TOX: variants seen among roughly 807,000 people sequenced by gnomAD.
The protein encoded by TOX is thymocyte selection-associated high mobility group box protein TOX.
A neutral mutation model predicts 53.7 loss-of-function variants in TOX; 11 were observed. The observed-to-expected ratio is 0.20, with a 90% confidence interval of 0.13 to 0.34. The LOEUF (loss-of-function observed/expected upper bound fraction) is 0.34, where lower values mean the gene tolerates loss of function less well. TOX is among the 10% of genes least tolerant of loss of function. The pLI is 1.00. For missense variants in TOX, 570 were observed against 664.6 expected, an observed-to-expected ratio of 0.86 and a Z score of 1.56; for synonymous variants, 225 against 245.3, an observed-to-expected ratio of 0.92 and a Z score of 0.77.
At chr8:58,989,461 A>G (rs1167342075) in intron 1 of TOX, among the ~76,000 whole-genome samples, 1 of 152,206 alleles carries the variant, frequency 6.6e-6, no homozygotes, top group East Asian at 1.9e-4. Context: ...AGAAGGGTGC[A>G]TTCCTCTGTC....
chr8:58,839,285 T>C (rs1158275842), intron 4 of TOX, among the ~76,000 whole-genome samples: 1 of 152,236 alleles, frequency 6.6e-6, no homozygotes. Flanking sequence ...AATCAGGAGC[T>C]AAATTTTTAA....
chr8:59,035,505 C>CT (rs1264812683), intron 1 of TOX, among the ~76,000 whole-genome samples: 2 of 152,186 alleles, frequency 1.3e-5, no homozygotes, highest in Admixed American at 1.3e-4. Flanking sequence ...TCCAAAGTAA[C>CT]TGGGGACTAC....
chr8:58,941,597 A>T (rs1455772322), intron 2 of TOX, among the ~76,000 whole-genome samples: 1 of 152,228 alleles, frequency 6.6e-6, no homozygotes, highest in South Asian at 2.1e-4. Flanking sequence ...TCATAATTTA[A>T]GTAATAGTAT....
intron 1 of TOX, among the ~76,000 whole-genome samples, chr8:59,097,161 C>T (rs1232752151): frequency 6.6e-6 from 1 of 152,130 alleles, no homozygotes; most frequent in Non-Finnish European, 1.5e-5. Flanking sequence ...ACACCATCCC[C>T]GGGAAGGTTC....
At position 59,029,176 on chromosome 8, in the gene TOX, C is replaced by T. The variant is rs114738731; in HGVS notation, c.103-69168G>A. Among the ~76,000 whole-genome samples, 953 of 152,096 alleles carry T rather than the reference C, an allele frequency of 6.3e-3. 9 individuals are homozygous for T. The highest frequency in any genetic ancestry group is 0.022 in the African/African-American group (909 of 41,466). On this transcript the variant is annotated intron_variant, in intron 1 of 8. Transcript: ENST00000361421. ...TTCAGTCTATTTCTTTTCCTATACA[C>T]TCTCATTTATTCATTTTTAGTTAGA...
intron 1 of TOX, among the ~76,000 whole-genome samples, chr8:59,058,651 G>A (rs1803926018): frequency 1.3e-5 from 2 of 152,104 alleles, no homozygotes; most frequent in South Asian, 2.1e-4. Flanking sequence ...CCTTAAATAC[G>A]TTAGCAGCCA....
At chr8:58,960,133 G>C (rs542307101) in intron 1 of TOX, 125 bp from the exon 2 acceptor site, 1 of 999,436 alleles carries the variant, frequency 1.0e-6, no homozygotes, top group Admixed American at 2.1e-5. Flanking sequence ...TACTGCGGCT[G>C]GGACTATGGA....
chr8:58,984,119 T>TG (rs1400408344), intron 1 of TOX, among the ~76,000 whole-genome samples: 7 of 152,204 alleles, frequency 4.6e-5, no homozygotes. Flanking sequence ...ATGATTTCTC[T>TG]GGTGTGACTC....
chr8:58,935,234 C>T (rs1812324185), intron 3 of TOX, among the ~76,000 whole-genome samples: 1 of 151,930 alleles, frequency 6.6e-6, no homozygotes, highest in Non-Finnish European at 1.5e-5. Flanking sequence ...TATAAAACAT[C>T]ACAATAACAT....
At chr8:58,895,068 A>G (rs1811619701) in intron 3 of TOX, among the ~76,000 whole-genome samples, 1 of 151,922 alleles carries the variant, frequency 6.6e-6, no homozygotes, top group Admixed American at 6.6e-5. Context: ...GGTACCCGTA[A>G]TCCCAGCTAC....
chr8:59,047,900 T>C (rs1803718956), intron 1 of TOX, among the ~76,000 whole-genome samples: 1 of 152,192 alleles, frequency 6.6e-6, no homozygotes, highest in Non-Finnish European at 1.5e-5. Flanking sequence ...TATTGCAATA[T>C]AAGTTCTTGC....
At chr8:58,947,427 A>G (rs1812541133) in intron 2 of TOX, among the ~76,000 whole-genome samples, 1 of 152,184 alleles carries the variant, frequency 6.6e-6, no homozygotes, top group African/African-American at 2.4e-5. Flanking sequence ...TCTAGATTTA[A>G]GAAAATTTTC....
Position 58,815,454 on chromosome 8 carries a change from G to A in TOX, c.1276C>T (p.Pro426Ser), listed in dbSNP as rs1200327461. The change falls in exon 7 of 9, where the codon CCT becomes TCT. Residue 426 changes from proline (P) to serine (S), a missense_variant. This residue lies in a region of TOX where 239 missense variants were observed against 250.7 expected (regional missense o/e 0.95). Coordinates refer to ENST00000361421, the MANE Select transcript of TOX (RefSeq NM_014729.3). ...TGCATGTTGAGATGCTGGTGAAGAG[G>A]CGGGCTGATCTGGAGGGGAGGAGGA... ...SPPPPLQISPPLHQHLNMQQH... is the reference protein window; with the variant it reads ...SPPPPLQISPSLHQHLNMQQH... 6.2e-7 allele frequency: 1 copy of A among 1,614,086 alleles called. No individual in the cohort carries two copies. The highest frequency in any genetic ancestry group is 1.7e-5 in the Admixed American group (1 of 60,020).
intron 3 of TOX, among the ~76,000 whole-genome samples, chr8:58,927,285 T>G (rs1281965805): frequency 6.6e-6 from 1 of 152,206 alleles, no homozygotes; most frequent in Non-Finnish European, 1.5e-5. Flanking sequence ...TCAGCTTGAG[T>G]CATCACGGTG....
intron 1 of TOX, among the ~76,000 whole-genome samples, chr8:59,040,715 T>C (rs995266287): frequency 6.6e-6 from 1 of 152,204 alleles, no homozygotes; most frequent in African/African-American, 2.4e-5. Context: ...ACACTTTGAC[T>C]AGAAAGTCCA....
chr8:58,816,216 AATGGAT>A (rs1022442490), intron 6 of TOX, among the ~76,000 whole-genome samples: 4 of 152,208 alleles, frequency 2.6e-5, no homozygotes, highest in African/African-American at 9.6e-5. Flanking sequence ...GGTTGATGGA[AATGGAT>A]ATGGGAGAAC....
At chr8:58,873,439 C>T (rs547602112) in intron 3 of TOX, among the ~76,000 whole-genome samples, 8 of 152,242 alleles carry the variant, frequency 5.3e-5, no homozygotes, top group African/African-American at 1.9e-4. Context: ...GTTGTCCGTA[C>T]TACAAAGACT....
At chr8:58,827,944 T>C (rs886880792) in intron 5 of TOX, among the ~76,000 whole-genome samples, 3 of 152,234 alleles carry the variant, frequency 2.0e-5, no homozygotes, top group Non-Finnish European at 4.4e-5. Context: ...TTTTCATTGA[T>C]ACAGCTATTT....
At chr8:59,023,398 A>G (rs7460752) in intron 1 of TOX, among the ~76,000 whole-genome samples, 1 of 80,448 alleles carries the variant, frequency 1.2e-5, no homozygotes, top group Non-Finnish European at 2.7e-5. Flanking sequence ...AACAGATTTT[A>G]CAATACATAT....
Sources: gnomAD v4.1 joint callset for allele counts (sites outside exome capture counted in the v4.1 genomes callset) on GRCh38, gnomAD v4.1.1 for gene constraint, gnomAD v4.1.1 regional missense constraint, MANE v1.5 for transcripts, NCBI Gene and HGNC (gene_info 2026-07-23, HGNC 2026-07-21) for gene names.